Variants in ARSF observed in about 807,000 individuals in gnomAD.
ARSF encodes the protein arylsulfatase F.
In ARSF, 33 loss-of-function variants were observed where a neutral mutation model predicts 35.4. The observed-to-expected ratio is 0.93, with a 90% CI of 0.71 to 1.25. The LOEUF is 1.25. Among genes scored for constraint, ARSF ranks in the 50% most tolerant of loss-of-function variants. ARSF has a pLI of 0.00. For missense variants in ARSF, 501 were observed against 480.2 expected (o/e 1.04, Z -0.40); for synonymous variants, 222 against 193.1 (o/e 1.15, Z -1.24).
chrX:3,105,933 C>A (rs2090408524), intron 9 of ARSF, among the ~76,000 whole-genome samples: 1 of 112,033 alleles, frequency 8.9e-6, no homozygotes, highest in Non-Finnish European at 1.9e-5. Context: ...AATGTCCAGG[C>A]ACAATATTGT....
At position 3,103,779 on chromosome X, in the gene ARSF, G is replaced by A. The variant is rs1208710507; in HGVS notation, c.1120G>A (p.Gly374Ser). ...TCTTATAGGTGGAAAAGGCATGGGG[G>A]GCTGGGAAGGTGGAATCCGCGTCCC... ...GIYKGGKGMG[G>S]WEGGIRVPGI... The change falls in exon 9 of 11, where the codon GGC becomes AGC. Residue 374 changes from glycine (G) to serine (S), a missense_variant. Transcript: ENST00000381127. 2 of 1,211,404 alleles carry A rather than the reference G, an allele frequency of 1.7e-6. No homozygotes were observed. The highest frequency in any genetic ancestry group is 2.3e-4 in the Middle Eastern group (1 of 4,351).
intron 5 of ARSF, among the ~76,000 whole-genome samples, chrX:3,081,585 C>T (rs2090202330): frequency 9.0e-6 from 1 of 111,608 alleles, no homozygotes; most frequent in Admixed American, 9.5e-5. Context: ...GGTCTGCCTG[C>T]CTTGGCCTCC....
chrX:3,059,238 G>A (rs974397324), intron 1 of ARSF, among the ~76,000 whole-genome samples: 7 of 111,459 alleles, frequency 6.3e-5, no homozygotes, highest in Non-Finnish European at 1.1e-4. Context: ...TGGGGTGGGT[G>A]GATCACCTGA....
chrX:3,052,508 C>T (rs929474246), intron 1 of ARSF, among the ~76,000 whole-genome samples: 1 of 110,603 alleles, frequency 9.0e-6, no homozygotes, highest in Non-Finnish European at 1.9e-5. Flanking sequence ...TAAAAAGAAA[C>T]AGCTCAAATT....
In ARSF at chrX:3,110,138, GGCCGAGACCTCAT is replaced by G; in HGVS notation, c.1280_1292del (p.Arg427ProfsTer43). The G allele has an allele frequency of 8.4e-7, 1 of 1,184,676 alleles. No homozygotes were observed. Among genetic ancestry groups the G allele is most frequent in the Non-Finnish European group, 1.1e-6 (1 of 881,454 alleles). On this transcript the variant is annotated frameshift_variant, in exon 10 of 11. Coordinates refer to ENST00000381127, the MANE Select transcript of ARSF (RefSeq NM_001201539.2). LOFTEE classifies it high-confidence loss of function. ...TCTGTGTCTCTGCAGGGTCATTGACGGCCGAGACCTCATGCCCTTGCTGCAGGGCAACGTCAGG... is the reference window on the plus strand; with the variant it reads ...TCTGTGTCTCTGCAGGGTCATTGACGGCCCTTGCTGCAGGGCAACGTCAGG...
At chrX:3,081,150 T>A in intron 5 of ARSF, 137 bp downstream of exon 5, 3 of 878,198 alleles carry the variant, frequency 3.4e-6, no homozygotes, top group Non-Finnish European at 4.5e-6. Context: ...ATGCCTACAA[T>A]CCCAGTACTT....
At chrX:3,095,017 C>T (rs1042488338) in intron 7 of ARSF, among the ~76,000 whole-genome samples, 1 of 107,876 alleles carries the variant, frequency 9.3e-6, no homozygotes, top group Non-Finnish European at 1.9e-5. Flanking sequence ...CGAATCATTT[C>T]CATGGTTGTA....
At chrX:3,058,000 G>A (rs1339363390) in intron 1 of ARSF, among the ~76,000 whole-genome samples, 2 of 111,822 alleles carry the variant, frequency 1.8e-5, no homozygotes, top group East Asian at 5.6e-4. Flanking sequence ...TAATAGGACT[G>A]TCTTTGACTT....
intron 10 of ARSF, among the ~76,000 whole-genome samples, chrX:3,111,490 T>C (rs1223080486): frequency 9.0e-6 from 1 of 111,150 alleles, no homozygotes; most frequent in Non-Finnish European, 1.9e-5. Context: ...GTTGGGAACA[T>C]TGAATATCCT....
At chrX:3,093,057 T>C (rs55644610) in intron 7 of ARSF, among the ~76,000 whole-genome samples, 10,016 of 109,655 alleles carry the variant, frequency 0.091, 399 homozygotes, top group African/African-American at 0.13. Flanking sequence ...TCCCAGCTAC[T>C]CGGGAGGCTG....
chrX:3,068,394 A>AC (rs2090081086), intron 2 of ARSF, among the ~76,000 whole-genome samples: 1 of 110,915 alleles, frequency 9.0e-6, no homozygotes, highest in Non-Finnish European at 1.9e-5. Context: ...TCCAACAGAT[A>AC]CATATGAGTT....
chrX:3,077,626 G>A (rs995999484), intron 4 of ARSF, among the ~76,000 whole-genome samples: 3 of 108,667 alleles, frequency 2.8e-5, no homozygotes, highest in Admixed American at 9.9e-5. Context: ...GTGACAGAGC[G>A]AGACTCTGTC....
At chrX:3,098,770 A>G (rs2090356459) in intron 7 of ARSF, among the ~76,000 whole-genome samples, 1 of 111,296 alleles carries the variant, frequency 9.0e-6, no homozygotes, top group South Asian at 3.8e-4. Context: ...TTTTTTTTAA[A>G]TAGTCAAATG....
At position 3,111,543 on chromosome X, in the gene ARSF, A is replaced by G. The variant is rs184738514; in HGVS notation, c.1391-631A>G. 1.5e-4 allele frequency among the ~76,000 whole-genome samples: 17 copies of G among 111,032 alleles called. No homozygotes were observed. The East Asian group carries it at 4.8e-3, about 31-fold the overall frequency. ...ACTATGTAACATATTATTGTTAACT[A>G]TAGTTATTCTACAGTGTTTAGAACA... On this transcript the variant is annotated intron_variant, in intron 10 of 10. Transcript: ENST00000381127.
chrX:3,053,761 T>A (rs1457634315), intron 1 of ARSF, among the ~76,000 whole-genome samples: 102 of 98,699 alleles, frequency 1.0e-3, no homozygotes, highest in African/African-American at 3.5e-3. Flanking sequence ...CTGGGTAATT[T>A]TTTTTTTTTT....
chrX:3,080,004 A>AG (rs1345665159), intron 4 of ARSF, among the ~76,000 whole-genome samples: 101 of 87,322 alleles, frequency 1.2e-3, no homozygotes, highest in Non-Finnish European at 1.5e-3. Flanking sequence ...AGAGAGAGAG[A>AG]AAAAAAAAAA....
intron 8 of ARSF, among the ~76,000 whole-genome samples, chrX:3,103,378 T>A (rs1288994592): frequency 9.0e-6 from 1 of 110,844 alleles, no homozygotes; most frequent in African/African-American, 3.3e-5. Flanking sequence ...TTACTGTGAG[T>A]TCCATAAAAT....
chrX:3,076,602 C>T lies in ARSF; in HGVS notation c.216C>T (p.Ile72=). The T allele has an allele frequency of 8.3e-7, 1 of 1,210,826 alleles. No homozygotes were observed. Among genetic ancestry groups the T allele is most frequent in the Non-Finnish European group, 1.1e-6 (1 of 895,214 alleles). ...AAGGCGTGCGACTGACTCAGCACAT[C>T]TCTGCCGCCTCCCTCTGCAGCCCAA... ...AREGVRLTQH[I]SAASLCSPSR... is the part of the protein sequence containing the mutation. The change falls in exon 4 of 11, where the codon ATC becomes ATT. Residue 72 remains isoleucine (I), a synonymous_variant. Coordinates refer to ENST00000381127, the MANE Select transcript of ARSF (RefSeq NM_001201539.2).
At chrX:3,082,098 A>G (rs1239384377) in intron 5 of ARSF, among the ~76,000 whole-genome samples, 2 of 111,512 alleles carry the variant, frequency 1.8e-5, no homozygotes, top group African/African-American at 6.5e-5. Flanking sequence ...TAATATTCCT[A>G]GTAGATACAC....
Sources: allele counts gnomAD v4.1 joint callset (sites outside exome capture counted in the v4.1 genomes callset), GRCh38; gene constraint gnomAD v4.1.1; transcripts MANE v1.5; gene names NCBI Gene and HGNC (gene_info 2026-07-23, HGNC 2026-07-21).